POLG: variants seen among roughly 807,000 people sequenced by gnomAD.
POLG encodes the protein DNA polymerase gamma, catalytic subunit.
POLG carries 110 observed loss-of-function variants against 155.4 expected under a neutral mutation model. That is an observed-to-expected ratio of 0.71 (90% CI 0.61 to 0.83). The LOEUF is 0.83. Ranked by LOEUF, POLG falls within the 40% of genes least tolerant of loss-of-function variation. The pLI is 0.00. For missense variants in POLG, 1,685 were observed against 1,627.5 expected, an observed-to-expected ratio of 1.04 and a Z score of -0.61; for synonymous variants, 701 against 631.5, an observed-to-expected ratio of 1.11 and a Z score of -1.65.
intron 6 of POLG, among the ~76,000 whole-genome samples, chr15:89,327,690 C>T (rs1352829901): frequency 1.3e-5 from 2 of 152,130 alleles, no homozygotes; most frequent in South Asian, 2.1e-4. Flanking sequence ...AACATCATGC[C>T]TGAACCTCAC....
chr15:89,325,211 TGAGTGAGTGAGAGAGTGAGTGAGA>T (rs1261162563), intron 10 of POLG, among the ~76,000 whole-genome samples: 1 of 38,304 alleles, frequency 2.6e-5, no homozygotes, highest in African/African-American at 1.3e-4. Flanking sequence ...AGTGAGAGAG[TGAGTGAGTGAGAGAGTGAGTGAGA>T]GAGTGAGTGA....
At chr15:89,319,387 G>C (rs556508345) in intron 18 of POLG, 37 bp from the exon 19 acceptor site, 1 of 1,611,108 alleles carries the variant, frequency 6.2e-7, no homozygotes, top group Non-Finnish European at 8.5e-7. Context: ...CCACGGGAGT[G>C]CTTCCTGTGC....
Position 89,318,703 on chromosome 15 carries a change from T to G in POLG, c.3320A>C (p.Asp1107Ala), listed in dbSNP as rs2055345331. ...GGCCACAAGCATGAGGTGTAAGTAG[T>G]CAACAGCAGAGCTCTGTACCACCCA... is the stretch of plus-strand genomic sequence containing the variant. ...VNWVVQSSAV[D>A]YLHLMLVAMK... is the part of the protein sequence containing the mutation. The change falls in exon 21 of 23, where the codon GAC (aspartate) becomes GCC (alanine). Residue 1107 changes from aspartate to alanine, a missense_variant. Physicochemically the swap from Asp to Ala is moderately radical, Grantham distance 126. Transcript: ENST00000268124. 6.2e-7 allele frequency: 1 copy of G among 1,614,018 alleles called. No homozygotes were observed. Among genetic ancestry groups the G allele is most frequent in the African/African-American group, 1.3e-5 (1 of 74,906 alleles).
At chr15:89,318,406 A>T (rs1347223170) in intron 21 of POLG, 135 bp downstream of exon 21, 2 of 687,560 alleles carry the variant, frequency 2.9e-6, no homozygotes, top group Non-Finnish European at 4.9e-6. Context: ...AAAAATTAGA[A>T]ATAAATAAAT....
chr15:89,325,968 C>G (rs1292177120), intron 9 of POLG, among the ~76,000 whole-genome samples: 1 of 152,100 alleles, frequency 6.6e-6, no homozygotes, highest in African/African-American at 2.4e-5. Context: ...GGCTCCTTCC[C>G]AAGCTCCATT....
intron 12 of POLG, 94 bp downstream of exon 12, chr15:89,323,721 C>G: frequency 9.1e-7 from 1 of 1,095,266 alleles, no homozygotes. Flanking sequence ...CCCTTAAGAC[C>G]TAGGGAACTC....
chr15:89,330,092 A>C lies in POLG; in HGVS notation c.844T>G (p.Tyr282Asp), dbSNP rs1290567099. Residue 282 changes from tyrosine to aspartate, a missense_variant, in exon 3 of 23, where the codon TAC becomes GAC. Coordinates refer to ENST00000268124, the MANE Select transcript of POLG (RefSeq NM_002693.3). ...CCCAGGAACCTTACCTGGATCAGGT[A>C]CTGCTCCCTGATATGAGCTCGGTCA... ...SFDRAHIREQ[Y>D]LIQGSRMRFL... The C allele has an allele frequency of 4.3e-6, 7 of 1,613,992 alleles. No homozygotes were observed. Among genetic ancestry groups the C allele is most frequent in the Admixed American group, 1.7e-5 (1 of 60,028 alleles).
At position 89,319,012 on chromosome 15, in the gene POLG, A is replaced by AAT; in HGVS notation, c.3190_3191dup (p.Ala1065LeufsTer30). 1 of 1,614,124 alleles carries AAT rather than the reference A, an allele frequency of 6.2e-7. No homozygotes were observed. Among genetic ancestry groups the AAT allele is most frequent in the Non-Finnish European group, 8.5e-7 (1 of 1,180,014 alleles). Reference sequence around the variant, plus strand: ...GGGTACGTGGTATGTCAGACGTAGCAATGCTCTCAAGCTTATTGAACATTT... The same window carrying AAT: ...GGGTACGTGGTATGTCAGACGTAGCAATATGCTCTCAAGCTTATTGAACATTT... On this transcript the variant is annotated frameshift_variant, in exon 20 of 23. Coordinates refer to ENST00000268124, the MANE Select transcript of POLG (RefSeq NM_002693.3). LOFTEE classifies it high-confidence loss of function.
At chr15:89,324,396 CTG>C (rs2055442662) in intron 10 of POLG, 169 bp from the exon 11 acceptor site, 2 of 774,240 alleles carry the variant, frequency 2.6e-6, no homozygotes, top group South Asian at 3.0e-5. Context: ...GATTGACAAA[CTG>C]AAAATGACAG....
chr15:89,323,807 C>G lies in POLG; in HGVS notation c.2157+8G>C, dbSNP rs548035719. ...CACCTAGAGAACCCAAGCCGGCGCA[C>G]TGCTCACCAGAGCTAGGGGTTGACC... On this transcript the variant is annotated splice_region_variant and intron_variant, in intron 12 of 22. Coordinates refer to ENST00000268124, the MANE Select transcript of POLG (RefSeq NM_002693.3). 6.2e-6 allele frequency: 10 copies of G among 1,611,556 alleles called. No homozygotes were observed. The highest frequency in any genetic ancestry group is 3.3e-4 in the Middle Eastern group (2 of 5,998).
Position 89,329,075 on chromosome 15 carries a change from C to T in POLG, c.891G>A (p.Met297Ile), listed in dbSNP as rs767895645. The T allele has an allele frequency of 1.2e-6, 2 of 1,612,882 alleles. No homozygotes were observed. The highest frequency in any genetic ancestry group is 1.7e-6 in the Non-Finnish European group (2 of 1,180,010). Residue 297 changes from methionine to isoleucine, a missense_variant, in exon 4 of 23, where the codon ATG becomes ATA. Transcript: ENST00000268124. ...SRMRFLDTMS[M>I]HMAISGLSSF... Reference sequence around the variant, plus strand: ...TGCTTAGCCCTGAGATGGCCATGTGCATGCTCATGGTGTCCAGGAAACGCA... The same window carrying T: ...TGCTTAGCCCTGAGATGGCCATGTGTATGCTCATGGTGTCCAGGAAACGCA...
intron 18 of POLG, among the ~76,000 whole-genome samples, chr15:89,320,104 AT>A (rs1430536592): frequency 6.6e-6 from 1 of 152,258 alleles, no homozygotes; most frequent in Non-Finnish European, 1.5e-5. Context: ...ATTTATAGTC[AT>A]CAACCACTAT....
rs1233914532 is a variant in POLG, at chr15:89,333,089, T to A, written c.659+7A>T. 3.3e-6 allele frequency: 5 copies of A among 1,511,530 alleles called. No homozygotes were observed. Among genetic ancestry groups the A allele is most frequent in the Middle Eastern group, 1.8e-4 (1 of 5,582 alleles). 93.6% of individuals were successfully genotyped at this position (1,511,530 alleles called of 1,614,324 possible). ...CTGCTTATGTCCCCAACCCTGCCCC[T>A]ACTTACCAGGCCGAGGGGGATATGG... On this transcript the variant is annotated splice_region_variant and intron_variant, in intron 2 of 22. Transcript: ENST00000268124.
chr15:89,322,691 G>T lies in POLG; in HGVS notation c.2426+51C>A, dbSNP rs55872773. 1.2e-5 allele frequency: 19 copies of T among 1,586,692 alleles called. No homozygotes were observed. In the East Asian group the frequency reaches 1.6e-4, roughly 13 times the overall value. ...ATCCAGGGTTAGTCAGGGGTCCCTG[G>T]GTGGGAAGAGAGGGGAAAGGCATCC... On this transcript the variant is annotated intron_variant, in intron 14 of 22. Transcript: ENST00000268124.
Position 89,333,403 on chromosome 15 carries a change from C to G in POLG, c.352G>C (p.Val118Leu). The change falls in exon 2 of 23, where the codon GTG becomes CTG. Residue 118 changes from valine to leucine, a missense_variant. Physicochemically the swap from Val to Leu is conservative, Grantham distance 32. Coordinates refer to ENST00000268124, the MANE Select transcript of POLG (RefSeq NM_002693.3). ...QKHGLWGQPAVPLPDVELRLP... is the reference protein window; with the variant it reads ...QKHGLWGQPALPLPDVELRLP... The stretch of plus-strand genomic sequence containing the variant: ...CGCAGCTCCACGTCGGGCAAGGGCA[C>G]GGCTGGCTGCCCCCAGAGCCCGTGC... The G allele has an allele frequency of 6.2e-7, 1 of 1,600,940 alleles. No individual in the cohort carries two copies.
rs79840247 is a variant in POLG at position 89,319,339 on chromosome 15, G to A, written c.2993C>T (p.Ser998Leu). ...CCTCACCAGCCACTCGCCCTCATCC[G>A]ACAGCCGATACCTGGGGGCAGTGTT... Reference protein sequence around the residue: ...ATKGLRWYRLSDEGEWLVREL... With the variant: ...ATKGLRWYRLLDEGEWLVREL... Residue 998 changes from serine to leucine, a missense_variant, in exon 19 of 23, where the codon TCG becomes TTG. Ser to Leu is a moderately radical substitution (Grantham distance 145). This residue lies in a region of POLG where 470 missense variants were observed against 439.9 expected (regional missense o/e 1.07). Coordinates refer to ENST00000268124, the MANE Select transcript of POLG (RefSeq NM_002693.3). The A allele has an allele frequency of 2.7e-5, 44 of 1,613,334 alleles. No homozygotes were observed. Among genetic ancestry groups the A allele is most frequent in the Admixed American group, 8.3e-5 (5 of 59,996 alleles).
chr15:89,324,141 A>T lies in POLG; in HGVS notation c.2036T>A (p.Phe679Tyr). 6.2e-7 allele frequency: 1 copy of T among 1,614,054 alleles called. No homozygotes were observed. Among genetic ancestry groups the T allele is most frequent in the Non-Finnish European group, 8.5e-7 (1 of 1,180,024 alleles). Reference sequence around the variant, plus strand: ...TATGGCACTATTGTCAGTGAGCAGGAACTCCTCCGCCAGGCCGGCCTCCTG... The same window carrying T: ...TATGGCACTATTGTCAGTGAGCAGGTACTCCTCCGCCAGGCCGGCCTCCTG... Reference protein sequence around the residue: ...MPQEAGLAEEFLLTDNSAIWQ... With the variant: ...MPQEAGLAEEYLLTDNSAIWQ... Residue 679 changes from phenylalanine to tyrosine, a missense_variant, in exon 11 of 23, where the codon TTC becomes TAC. Around this residue, in one of 3 missense-constraint regions of POLG, gnomAD observed 1,210 missense variants for 1,167.1 expected, o/e 1.04. Transcript: ENST00000268124.
chr15:89,330,525 T>C (rs1462520613), intron 2 of POLG, among the ~76,000 whole-genome samples: 1 of 152,210 alleles, frequency 6.6e-6, no homozygotes, highest in Non-Finnish European at 1.5e-5. Context: ...TACTGGGCTA[T>C]TAGACCTACG....
intron 2 of POLG, among the ~76,000 whole-genome samples, 160 bp downstream of exon 2, chr15:89,332,936 G>C (rs985747740): frequency 2.0e-5 from 3 of 152,186 alleles, no homozygotes; most frequent in African/African-American, 4.8e-5. Context: ...CCACCAGAAA[G>C]TGAGTCCCAC....
Sources: allele counts gnomAD v4.1 joint callset (sites outside exome capture counted in the v4.1 genomes callset), GRCh38; gene constraint gnomAD v4.1.1; regional missense constraint gnomAD v4.1.1; transcripts MANE v1.5; gene names NCBI Gene and HGNC (gene_info 2026-07-23, HGNC 2026-07-21).